The following GLI4 variants were observed in gnomAD, a reference collection of about 807,000 sequenced individuals.
GLI4 encodes the protein GLI family zinc finger 4, also known as zinc finger protein GLI4.
A neutral mutation model predicts 30.9 loss-of-function variants in GLI4; 34 were observed. That is an observed-to-expected ratio of 1.10 (90% confidence interval 0.84 to 1.47). The LOEUF is 1.47. Among genes scored for constraint, GLI4 ranks in the 40% most tolerant of loss-of-function variants. The pLI is 0.00. For missense variants in GLI4, 696 were observed against 538.9 expected (o/e 1.29, Z -2.89); for synonymous variants, 277 against 236.7 (o/e 1.17, Z -1.56).
rs754311930 is a variant in GLI4 at position 143,276,268 on chromosome 8, C to G, written c.595C>G (p.Leu199Val). 6.2e-7 allele frequency: 1 copy of G among 1,612,344 alleles called. No homozygotes were observed. The change falls in exon 4 of 4, where the codon CTG (leucine) becomes GTG (valine). Residue 199 changes from leucine (L) to valine (V), a missense_variant. By Grantham distance (32) the Leu-to-Val change is conservative. Transcript: ENST00000340042. ...GKSFKYNSLLLKHQRIHTGEK... is the reference protein window; with the variant it reads ...GKSFKYNSLLVKHQRIHTGEK... ...GAGTTTCAAGTATAACTCGCTGCTC[C>G]TGAAGCACCAGCGCATCCACACGGG...
In GLI4 at chr8:143,269,379, C is replaced by T. The variant is rs1458891379; in HGVS notation, c.-18C>T. On this transcript the variant is annotated 5_prime_UTR_variant, in exon 2 of 4. Transcript: ENST00000340042. Reference sequence around the variant, plus strand: ...CCCCAGGTCCCAGGTGTGACACCTTCAGCAGGTCTCAGGGAAGATGGCAGC... The same window carrying T: ...CCCCAGGTCCCAGGTGTGACACCTTTAGCAGGTCTCAGGGAAGATGGCAGC... 1.9e-6 allele frequency: 3 copies of T among 1,610,214 alleles called. No individual in the cohort carries two copies. The highest frequency in any genetic ancestry group is 2.5e-6 in the Non-Finnish European group (3 of 1,177,950).
chr8:143,273,675 A>C (rs1196134196), intron 2 of GLI4, among the ~76,000 whole-genome samples: 1 of 152,134 alleles, frequency 6.6e-6, no homozygotes, highest in Non-Finnish European at 1.5e-5. Context: ...TGTTATGAAC[A>C]GGGTGTGGAC....
chr8:143,276,429 G>GC lies in GLI4; in HGVS notation c.757dup (p.His253ProfsTer40). The GC allele has an allele frequency of 6.2e-7, 1 of 1,611,374 alleles. No homozygotes were observed. The highest frequency in any genetic ancestry group is 8.5e-7 in the Non-Finnish European group (1 of 1,179,396). On this transcript the variant is annotated frameshift_variant, in exon 4 of 4. Transcript: ENST00000340042. LOFTEE classifies it high-confidence loss of function. ...GCGGCCGCGCCTTCAGCCACAGCTC[G>GC]CACTTCACGCAGCACCTGCGCATCC...
chr8:143,274,939 C>T (rs1217332719), intron 3 of GLI4, 137 bp downstream of exon 3: 2 of 1,472,618 alleles, frequency 1.4e-6, no homozygotes, highest in Non-Finnish European at 1.8e-6. Flanking sequence ...GGCATCAGCT[C>T]ACCTCTGCCC....
chr8:143,268,815 G>A (rs1815198464), intron 1 of GLI4, among the ~76,000 whole-genome samples: 1 of 64,148 alleles, frequency 1.6e-5, no homozygotes, highest in African/African-American at 4.7e-5. Flanking sequence ...CTTCCTAAGC[G>A]CGCCTTCCAA....
intron 1 of GLI4, 21 bp from the exon 2 acceptor site, chr8:143,269,339 C>T (rs1815213950): frequency 1.3e-6 from 2 of 1,583,156 alleles, no homozygotes; most frequent in Non-Finnish European, 1.7e-6. Flanking sequence ...CCTCATCTGC[C>T]ATGGTTTTCA....
chr8:143,269,520 GGTACTCACCCA>G lies in GLI4; in HGVS notation c.124+2_124+12del. The G allele has an allele frequency of 6.2e-7, 1 of 1,612,208 alleles. No individual in the cohort carries two copies. Among genetic ancestry groups the G allele is most frequent in the South Asian group, 1.1e-5 (1 of 91,060 alleles). ...GCTTCACCTCCATGGGCATCAACAT[GGTACTCACCCA>G]GCCCGCTGTGCGCCCTCCACCCTGC... On this transcript the variant is annotated splice_donor_variant and splice_donor_5th_base_variant and intron_variant, in intron 2 of 3. Transcript: ENST00000340042. LOFTEE classifies it high-confidence loss of function.
chr8:143,275,744 C>G, intron 3 of GLI4, 153 bp from the exon 4 acceptor site: 1 of 1,240,080 alleles, frequency 8.1e-7, no homozygotes, highest in East Asian at 3.2e-5. Flanking sequence ...CTCCGAGCCC[C>G]TGTCCGCTTG....
Position 143,269,473 on chromosome 8 carries a change from G to C in GLI4, c.77G>C (p.Gly26Ala). The C allele has an allele frequency of 6.2e-7, 1 of 1,612,776 alleles. No individual in the cohort carries two copies. Among genetic ancestry groups the C allele is most frequent in the Non-Finnish European group, 8.5e-7 (1 of 1,179,286 alleles). Residue 26 changes from glycine (G) to alanine (A), a missense_variant, in exon 2 of 4, where the codon GGA becomes GCA. Physicochemically the swap from Gly to Ala is moderately conservative, Grantham distance 60. Coordinates refer to ENST00000340042, the MANE Select transcript of GLI4 (RefSeq NM_138465.4). ...PVSLSSPGTP[G>A]TQHHEPQLHL... Reference sequence around the variant, plus strand: ...AGTCTCTCATCACCGGGGACACCTGGAACCCAGCACCACGAGCCTCAGCTT... The same window carrying C: ...AGTCTCTCATCACCGGGGACACCTGCAACCCAGCACCACGAGCCTCAGCTT...
intron 3 of GLI4, chr8:143,275,373 G>A (rs1436380689): frequency 3.5e-5 from 49 of 1,403,194 alleles, no homozygotes; most frequent in Non-Finnish European, 4.3e-5. Context: ...TCAGGTCCCT[G>A]GAAAGAGACC....
intron 2 of GLI4, among the ~76,000 whole-genome samples, chr8:143,273,783 C>T (rs1815321073): frequency 2.0e-5 from 3 of 152,220 alleles, no homozygotes; most frequent in Non-Finnish European, 4.4e-5. Flanking sequence ...GGCTAAGAGA[C>T]ACACCCGTCC....
chr8:143,267,552 C>T (rs897114572), intron 1 of GLI4, 68 bp downstream of exon 1: 23 of 985,476 alleles, frequency 2.3e-5, no homozygotes, highest in Non-Finnish European at 2.7e-5. Context: ...GCTCGTGCGC[C>T]GTACTCCGCG....
intron 2 of GLI4, 33 bp from the exon 3 acceptor site, chr8:143,274,671 G>A (rs371444907): frequency 3.9e-6 from 6 of 1,530,822 alleles, no homozygotes; most frequent in South Asian, 2.4e-5. Context: ...GGTCCAGAGG[G>A]TGGAGGTGAG....
At chr8:143,274,640 T>G (rs1267037330) in intron 2 of GLI4, 64 bp from the exon 3 acceptor site, 1 of 1,478,130 alleles carries the variant, frequency 6.8e-7, no homozygotes, top group Non-Finnish European at 9.1e-7. Flanking sequence ...CACGTGGCGG[T>G]CAGAGAGGAG....
chr8:143,274,766 G>C lies in GLI4; in HGVS notation c.187G>C (p.Glu63Gln), dbSNP rs762415192. 2.9e-5 allele frequency: 46 copies of C among 1,570,022 alleles called. No individual in the cohort carries two copies. Among genetic ancestry groups the C allele is most frequent in the Middle Eastern group, 1.7e-4 (1 of 6,028 alleles). Residue 63 changes from glutamate (E) to glutamine (Q), a missense_variant, in exon 3 of 4, where the codon GAG (glutamate) becomes CAG (glutamine). Coordinates refer to ENST00000340042, the MANE Select transcript of GLI4 (RefSeq NM_138465.4). ...QPSDLDLQDV[E>Q]EVEIGRDTFW... is the part of the protein sequence containing the mutation. ...GTCCGACCTGGATCTCCAAGACGTA[G>C]AGGAAGTGGAGATCGGCAGAGACAC...
At position 143,269,440 on chromosome 8, in the gene GLI4, C is replaced by T. The variant is rs115428991; in HGVS notation, c.44C>T (p.Ser15Phe). The T allele has an allele frequency of 1.6e-3, 2,592 of 1,609,780 alleles. 23 individuals are homozygous for T. The African/African-American group carries it at 0.023, about 14-fold the overall frequency. The part of the protein sequence containing the change: ...GDIQESPSVP[S>F]PVSLSSPGTP... ...ATTCAGGAGTCCCCTTCTGTCCCGTCCCCTGTCAGTCTCTCATCACCGGGG... is the reference window on the plus strand; with the variant it reads ...ATTCAGGAGTCCCCTTCTGTCCCGTTCCCTGTCAGTCTCTCATCACCGGGG... The change falls in exon 2 of 4, where the codon TCC (serine) becomes TTC (phenylalanine). Residue 15 changes from serine to phenylalanine, a missense_variant. Coordinates refer to ENST00000340042, the MANE Select transcript of GLI4 (RefSeq NM_138465.4).
At chr8:143,269,750 C>T (rs1264420291) in intron 2 of GLI4, among the ~76,000 whole-genome samples, 1 of 152,240 alleles carries the variant, frequency 6.6e-6, no homozygotes, top group African/African-American at 2.4e-5. Context: ...CTCTCGCTCC[C>T]TAGGGACAGC....
At chr8:143,275,089 TC>T in intron 3 of GLI4, 1 of 1,535,554 alleles carries the variant, frequency 6.5e-7, no homozygotes, top group African/African-American at 1.4e-5. Flanking sequence ...CAGGAACTCC[TC>T]CCTCCCCTCC....
intron 2 of GLI4, among the ~76,000 whole-genome samples, chr8:143,270,682 A>C (rs1815248452): frequency 6.6e-6 from 1 of 152,192 alleles, no homozygotes; most frequent in South Asian, 2.1e-4. Context: ...ACAATGGCTG[A>C]GAGGAGTTCT....
Sources: allele counts gnomAD v4.1 joint callset (sites outside exome capture counted in the v4.1 genomes callset), GRCh38; gene constraint gnomAD v4.1.1; transcripts MANE v1.5; gene names NCBI Gene and HGNC (gene_info 2026-07-23, HGNC 2026-07-21).